CDHR5: variants seen among roughly 807,000 people sequenced by gnomAD.
CDHR5 encodes cadherin-related family member 5.
A neutral mutation model predicts 69.5 loss-of-function variants in CDHR5; 82 were observed. That is an observed-to-expected ratio of 1.18 (90% CI 0.99 to 1.42). The LOEUF is 1.42. CDHR5 is among the 40% of genes most tolerant of loss of function. CDHR5 has a pLI of 0.00. For synonymous variants in CDHR5, 601 were observed against 510.2 expected (o/e 1.18, Z -2.40); for missense variants, 1,293 against 1,168.9 (o/e 1.11, Z -1.55).
Position 618,903 on chromosome 11 carries a change from G to C in CDHR5, c.1656C>G (p.Pro552=). 1 of 1,609,492 alleles carries C rather than the reference G, an allele frequency of 6.2e-7. No individual in the cohort carries two copies. Among genetic ancestry groups the C allele is most frequent in the East Asian group, 2.3e-5 (1 of 44,280 alleles). The change falls in exon 13 of 15, where the codon CCC becomes CCG. Residue 552 remains proline (P), a synonymous_variant. Transcript: ENST00000397542. ...TPKPGTSQPM[P]PGVGTSTSHQ... The stretch of plus-strand genomic sequence containing the variant: ...GGGAGGTGCTGGTTCCCACACCGGG[G>C]GGCATCGGCTGAGAGGTTCCTGGCT...
At position 621,618 on chromosome 11, in the gene CDHR5, C is replaced by T. The variant is rs938906612; in HGVS notation, c.451G>A (p.Ala151Thr). 1.2e-6 allele frequency: 2 copies of T among 1,613,688 alleles called. No individual in the cohort carries two copies. Among genetic ancestry groups the T allele is most frequent in the Admixed American group, 1.7e-5 (1 of 59,980 alleles). ...STVIPETQLQ[A>T]EDRDKDDILF... Reference sequence around the variant, plus strand: ...ATGTCGTCCTTGTCGCGGTCCTCAGCCTGCAGTTGCGTCTCGGGGATGACG... The same window carrying T: ...ATGTCGTCCTTGTCGCGGTCCTCAGTCTGCAGTTGCGTCTCGGGGATGACG... Residue 151 changes from alanine to threonine, a missense_variant, in exon 5 of 15, where the codon GCT becomes ACT. Ala to Thr is a moderately conservative substitution (Grantham distance 58). Transcript: ENST00000397542. The surrounding 1 kb of genome is among the most constrained non-coding windows in gnomAD (Gnocchi z 4.4).
Position 617,404 on chromosome 11 carries a change from C to A in CDHR5, c.2485G>T (p.Gly829Trp). The A allele has an allele frequency of 6.2e-7, 1 of 1,610,804 alleles. No homozygotes were observed. The highest frequency in any genetic ancestry group is 8.5e-7 in the Non-Finnish European group (1 of 1,178,642). Reference sequence around the variant, plus strand: ...GCATCGTAGGGACCCCCACCCCTCCCCGCGCCCTCGCCCTCATCGCCGCTG... The same window carrying A: ...GCATCGTAGGGACCCCCACCCCTCCACGCGCCCTCGCCCTCATCGCCGCTG... The part of the protein sequence containing the change: ...SGSGDEGEGA[G>W]RGGGPYDAPG... Residue 829 changes from glycine (G) to tryptophan (W), a missense_variant, in exon 15 of 15, where the codon GGG (glycine) becomes TGG (tryptophan). By Grantham distance (184) the Gly-to-Trp change is radical. Coordinates refer to ENST00000397542, the MANE Select transcript of CDHR5 (RefSeq NM_021924.5).
At position 619,233 on chromosome 11, in the gene CDHR5, T is replaced by A; in HGVS notation, c.1379-53A>T. 6 of 1,470,136 alleles carry A rather than the reference T, an allele frequency of 4.1e-6. No homozygotes were observed. The South Asian group carries it at 7.3e-5, about 18-fold the overall frequency. The allele number at this position is 1,470,136 out of a possible 1,614,324, so 91.1% of individuals were successfully genotyped here. On this transcript the variant is annotated intron_variant, in intron 12 of 14. Transcript: ENST00000397542. ...TGCCTCTGCCCGCCCCTTGCACACC[T>A]ACCGCGGGAAAGGAGCCACCGAAGG...
In CDHR5 at chr11:624,533, A is replaced by G; in HGVS notation, c.261+24T>C. 6.2e-7 allele frequency: 1 copy of G among 1,605,916 alleles called. No individual in the cohort carries two copies. Among genetic ancestry groups the G allele is most frequent in the Non-Finnish European group, 8.5e-7 (1 of 1,174,566 alleles). The stretch of plus-strand genomic sequence containing the variant: ...GGTGCCCTTCTCCCGGGACCCCCAT[A>G]TCCCGCCCGCCTGCCGCCCACACCT... On this transcript the variant is annotated intron_variant, in intron 2 of 14. Transcript: ENST00000397542. This position sits in a 1 kb window ranked among gnomAD's most constrained non-coding sequence, Gnocchi z 5.3.
At position 624,843 on chromosome 11, in the gene CDHR5, G is replaced by C; in HGVS notation, c.60C>G (p.Pro20=). ...ACTGGGCCTGGGCCATGGTCCCCGG[G>C]GGTCGGACGAGCAGCCCGGTGAACA... The part of the protein sequence containing the change: ...PLLFTGLLVR[P]PGTMAQAQYC... Residue 20 remains proline (P), a synonymous_variant, in exon 1 of 15, where the codon CCC becomes CCG. Coordinates refer to ENST00000397542, the MANE Select transcript of CDHR5 (RefSeq NM_021924.5). This position sits in a 1 kb window ranked among gnomAD's most constrained non-coding sequence, Gnocchi z 5.3. 4 of 1,602,466 alleles carry C rather than the reference G, an allele frequency of 2.5e-6. No homozygotes were observed. Among genetic ancestry groups the C allele is most frequent in the Non-Finnish European group, 2.6e-6 (3 of 1,175,918 alleles).
Position 619,462 on chromosome 11 carries a change from C to A in CDHR5, c.1293+12G>T. The A allele has an allele frequency of 6.2e-7, 1 of 1,609,740 alleles. No individual in the cohort carries two copies. On this transcript the variant is annotated intron_variant, in intron 11 of 14. Coordinates refer to ENST00000397542, the MANE Select transcript of CDHR5 (RefSeq NM_021924.5). ...CACACCCTTGGAGATGCCCGCCTGC[C>A]CTGCCCCGCACCTCTGCGTAGAAGG...
rs199868646 is a variant in CDHR5 at position 619,455 on chromosome 11, C to T, written c.1293+19G>A. 211 of 1,607,888 alleles carry T rather than the reference C, an allele frequency of 1.3e-4. No homozygotes were observed. Among genetic ancestry groups the T allele is most frequent in the East Asian group, 6.7e-5 (3 of 44,862 alleles). ...TAAGCCCCACACCCTTGGAGATGCC[C>T]GCCTGCCCTGCCCCGCACCTCTGCG... On this transcript the variant is annotated intron_variant, in intron 11 of 14. Coordinates refer to ENST00000397542, the MANE Select transcript of CDHR5 (RefSeq NM_021924.5).
rs367921510 is a variant in CDHR5 at position 621,194 on chromosome 11, C to G, written c.675G>C (p.Leu225=). Reference sequence around the variant, plus strand: ...GCCGCAGGTCGGCGGGCACCACGTTCAGCACTAGTGTGGCGGTGGCAGTGT... The same window carrying G: ...GCCGCAGGTCGGCGGGCACCACGTTGAGCACTAGTGTGGCGGTGGCAGTGT... ...PSHTATATLV[L]NVVPADLRPP... is the part of the protein sequence containing the mutation. Residue 225 remains leucine, a synonymous_variant, in exon 7 of 15, where the codon CTG becomes CTC. Transcript: ENST00000397542. This position sits in a 1 kb window ranked among gnomAD's most constrained non-coding sequence, Gnocchi z 4.4. 6.2e-7 allele frequency: 1 copy of G among 1,605,324 alleles called. No individual in the cohort carries two copies. Among genetic ancestry groups the G allele is most frequent in the South Asian group, 1.1e-5 (1 of 89,708 alleles).
rs763553050 is a variant in CDHR5, at chr11:620,030, C to A, written c.978+37G>T. 3 of 1,486,292 alleles carry A rather than the reference C, an allele frequency of 2.0e-6. No individual in the cohort carries two copies. In the South Asian group the frequency reaches 3.6e-5, roughly 18 times the overall value. The allele number at this position is 1,486,292 out of a possible 1,614,324, so 92.1% of individuals were successfully genotyped here. A position where few individuals can be genotyped will look rare whatever the true frequency, so the allele number is the denominator to read the frequency against. ...CCCCCGCCCTACCTTCCACCCTTCC[C>A]CCTCTGCCCTGCCCCCCATGCAGGT... On this transcript the variant is annotated intron_variant, in intron 9 of 14. Transcript: ENST00000397542.
chr11:622,056 G>A (rs1394431140), intron 3 of CDHR5, 152 bp from the exon 4 acceptor site: 9 of 620,982 alleles, frequency 1.4e-5, no homozygotes, highest in South Asian at 7.7e-5. Context: ...ACGGCCACCC[G>A]TCCCTGCTGT....
At position 619,586 on chromosome 11, in the gene CDHR5, T is replaced by G; in HGVS notation, c.1181A>C (p.Asp394Ala). 6.2e-7 allele frequency: 1 copy of G among 1,611,646 alleles called. No homozygotes were observed. The highest frequency in any genetic ancestry group is 8.5e-7 in the Non-Finnish European group (1 of 1,177,912). The change falls in exon 11 of 15, where the codon GAC (aspartate) becomes GCC (alanine). Residue 394 changes from aspartate (D) to alanine (A), a missense_variant and splice_region_variant. By Grantham distance (126) the Asp-to-Ala change is moderately radical (BLOSUM62 -2). Transcript: ENST00000397542. ...TCGATATGTGATGGCCGAGTTGAGG[T>G]CCTGGACAGGGTCTCATTGAGTCCC... Reference protein sequence around the residue: ...RIQAQDPEFSDLNSAITYRIT... With the variant: ...RIQAQDPEFSALNSAITYRIT...
chr11:621,177 TCGG>T lies in CDHR5; in HGVS notation c.689_691del (p.Ala230del). On this transcript the variant is annotated inframe_deletion, in exon 7 of 15. Transcript: ENST00000397542. The surrounding 1 kb of genome is among the most constrained non-coding windows in gnomAD (Gnocchi z 4.4). ...GGGCAGGAACCACGGGGGCCGCAGG[TCGG>T]CGGGCACCACGTTCAGCACTAGTGT... 6.2e-7 allele frequency: 1 copy of T among 1,605,822 alleles called. No individual in the cohort carries two copies. The highest frequency in any genetic ancestry group is 8.5e-7 in the Non-Finnish European group (1 of 1,175,770).
At position 624,941 on chromosome 11, in the gene CDHR5, C is replaced by G. The variant is rs1308731254; in HGVS notation, c.-39G>C. 6.7e-7 allele frequency: 1 copy of G among 1,496,076 alleles called. No individual in the cohort carries two copies. Among genetic ancestry groups the G allele is most frequent in the Non-Finnish European group, 9.0e-7 (1 of 1,111,932 alleles). 92.7% of individuals were successfully genotyped at this position (1,496,076 alleles called of 1,614,324 possible). A position where few individuals can be genotyped will look rare whatever the true frequency, so the allele number is the denominator to read the frequency against. On this transcript the variant is annotated 5_prime_UTR_variant, in exon 1 of 15. Coordinates refer to ENST00000397542, the MANE Select transcript of CDHR5 (RefSeq NM_021924.5). This position sits in a 1 kb window ranked among gnomAD's most constrained non-coding sequence, Gnocchi z 5.3. The stretch of plus-strand genomic sequence containing the variant: ...ACCTGGCAGGAGGGTCTGAGCGGGT[C>G]TGGCGTCTAGGACTGGCGCAGTTCC...
rs564520780 is a variant in CDHR5, at chr11:617,585, G to T, written c.2304C>A (p.Gly768=). 1.2e-6 allele frequency: 2 copies of T among 1,609,406 alleles called. No homozygotes were observed. The highest frequency in any genetic ancestry group is 1.7e-5 in the Admixed American group (1 of 59,728). Residue 768 remains glycine (G), a synonymous_variant, in exon 15 of 15, where the codon GGC becomes GGA. Transcript: ENST00000397542. ...APEPPAAARA[G]GSPTAVRSIL... Reference sequence around the variant, plus strand: ...TGGACCTCACCGCCGTGGGGCTTCCGCCAGCTCGGGCCGCTGCGGGGGGCT... The same window carrying T: ...TGGACCTCACCGCCGTGGGGCTTCCTCCAGCTCGGGCCGCTGCGGGGGGCT...
chr11:619,459 T>A lies in CDHR5; in HGVS notation c.1293+15A>T, dbSNP rs369460849. 5.6e-6 allele frequency: 9 copies of A among 1,608,496 alleles called. No individual in the cohort carries two copies. Among genetic ancestry groups the A allele is most frequent in the Non-Finnish European group, 8.5e-7 (1 of 1,175,130 alleles). ...CCCCACACCCTTGGAGATGCCCGCC[T>A]GCCCTGCCCCGCACCTCTGCGTAGA... On this transcript the variant is annotated intron_variant, in intron 11 of 14. Transcript: ENST00000397542.
In CDHR5 at chr11:621,296, C is replaced by T. The variant is rs746503019; in HGVS notation, c.619-46G>A. 5 of 1,610,656 alleles carry T rather than the reference C, an allele frequency of 3.1e-6. No individual in the cohort carries two copies. In the African/African-American group the frequency reaches 6.7e-5, roughly 22 times the overall value. On this transcript the variant is annotated intron_variant, in intron 6 of 14. Coordinates refer to ENST00000397542, the MANE Select transcript of CDHR5 (RefSeq NM_021924.5). The surrounding 1 kb of genome is among the most constrained non-coding windows in gnomAD (Gnocchi z 4.4). ...GGATCAGGCCTGGGAGCAGCTGGGG[C>T]CGGGGGGCCTCAAGTGTGTGGGACT...
chr11:619,641 G>A, intron 10 of CDHR5, 40 bp downstream of exon 10: 2 of 1,610,054 alleles, frequency 1.2e-6, no homozygotes, highest in Non-Finnish European at 1.7e-6. Context: ...GTACAGCCCT[G>A]ACCCACCCAC....
chr11:619,427 C>G, intron 11 of CDHR5, 37 bp from the exon 12 acceptor site: 1 of 1,608,168 alleles, frequency 6.2e-7, no homozygotes, highest in Non-Finnish European at 8.5e-7. Context: ...CTAGACACAT[C>G]TTTAAGCCCC....
rs945753137 is a variant in CDHR5, at chr11:618,933, G to A, written c.1626C>T (p.Thr542=). The part of the protein sequence containing the change: ...PATPGGDTAQ[T]PKPGTSQPMP... Reference sequence around the variant, plus strand: ...TCGGCTGAGAGGTTCCTGGCTTTGGGGTCTGTGCTGTGTCCCCACCGGGAG... The same window carrying A: ...TCGGCTGAGAGGTTCCTGGCTTTGGAGTCTGTGCTGTGTCCCCACCGGGAG... The change falls in exon 13 of 15, where the codon ACC becomes ACT. Residue 542 remains threonine, a synonymous_variant. Transcript: ENST00000397542. The A allele has an allele frequency of 5.0e-6, 8 of 1,611,550 alleles. No homozygotes were observed. The highest frequency in any genetic ancestry group is 3.3e-5 in the Admixed American group (2 of 59,804).
Sources: allele counts gnomAD v4.1 joint callset, GRCh38; gene constraint gnomAD v4.1.1; non-coding constraint Gnocchi (gnomAD v3.1); transcripts MANE v1.5; gene names NCBI Gene and HGNC (gene_info 2026-07-23, HGNC 2026-07-21).